The following ESD variants were observed in gnomAD, a reference collection of about 807,000 sequenced individuals.
The protein encoded by ESD is S-formylglutathione hydrolase.
A neutral mutation model predicts 38.1 loss-of-function variants in ESD; 34 were observed. The observed-to-expected ratio is 0.89, with a 90% CI of 0.68 to 1.19. The LOEUF (loss-of-function observed/expected upper bound fraction) is 1.19, where lower values mean the gene tolerates loss of function less well. Ranked by LOEUF, ESD falls within the 50% of genes most tolerant of loss-of-function variation. The pLI, the probability that ESD is intolerant of heterozygous loss-of-function variation, is 0.00. For synonymous variants in ESD, 97 were observed against 107.0 expected, an observed-to-expected ratio of 0.91 and a Z score of 0.58; for missense variants, 334 against 327.2, an observed-to-expected ratio of 1.02 and a Z score of -0.16.
chr13:46,772,748 G>T (rs1210906695), intron 9 of ESD, among the ~76,000 whole-genome samples: 1 of 151,774 alleles, frequency 6.6e-6, no homozygotes, highest in African/African-American at 2.4e-5. Context: ...TGGAGTGCAT[G>T]ATCTTGGCTC....
chr13:46,797,021 G>A (rs904417339), intron 1 of ESD, 84 bp downstream of exon 1: 1 of 152,468 alleles, frequency 6.6e-6, no homozygotes, highest in African/African-American at 2.4e-5. Flanking sequence ...CGCAGGACTC[G>A]GCGTCCGCCC....
At chr13:46,781,909 T>C (rs1216953) in intron 6 of ESD, among the ~76,000 whole-genome samples, 7,521 of 151,884 alleles carry the variant, frequency 0.05, 587 homozygotes, top group African/African-American at 0.17. Flanking sequence ...TTTTGGAATA[T>C]ATTCTAAGGA....
At chr13:46,794,942 T>C (rs543560360) in intron 1 of ESD, among the ~76,000 whole-genome samples, 32 of 152,304 alleles carry the variant, frequency 2.1e-4, no homozygotes, top group Non-Finnish European at 3.8e-4. Context: ...AATCTGCATC[T>C]CTATAACCAA....
At chr13:46,772,807 C>A (rs577649707) in intron 9 of ESD, among the ~76,000 whole-genome samples, 1 of 152,158 alleles carries the variant, frequency 6.6e-6, no homozygotes, top group African/African-American at 2.4e-5. Context: ...GCCTCAGCCT[C>A]CCGACTAGCT....
At chr13:46,773,987 G>C (rs1874700407) in intron 9 of ESD, among the ~76,000 whole-genome samples, 1 of 152,170 alleles carries the variant, frequency 6.6e-6, no homozygotes, top group Admixed American at 6.5e-5. Flanking sequence ...AGTATTATCT[G>C]CCATTTTTCA....
At position 46,780,048 on chromosome 13, in the gene ESD, G is replaced by A. The variant is rs765438784; in HGVS notation, c.502-15C>T. ...GCTGACACAGACTTCAGAAACAAAA[G>A]AAATTTAAAAACAAGTTATATTTTG... is the stretch of plus-strand genomic sequence containing the variant. On this transcript the variant is annotated splice_polypyrimidine_tract_variant and intron_variant, in intron 7 of 9. Transcript: ENST00000378720. 26 of 1,545,750 alleles carry A rather than the reference G, an allele frequency of 1.7e-5. No individual in the cohort carries two copies. The South Asian group carries it at 3.0e-4, about 18-fold the overall frequency.
intron 9 of ESD, chr13:46,775,655 C>T (rs920714055): frequency 4.3e-6 from 2 of 470,392 alleles, no homozygotes; most frequent in South Asian, 1.6e-5. Flanking sequence ...CAACGAAATC[C>T]GCTTCAAGCT....
chr13:46,783,113 T>C (rs1275593997), intron 5 of ESD, among the ~76,000 whole-genome samples: 1 of 151,952 alleles, frequency 6.6e-6, no homozygotes, highest in African/African-American at 2.4e-5. Flanking sequence ...TTACTCTGGT[T>C]TACCTGTCAA....
chr13:46,781,849 G>A (rs1257491823), intron 6 of ESD, among the ~76,000 whole-genome samples: 5 of 151,780 alleles, frequency 3.3e-5, no homozygotes, highest in Non-Finnish European at 1.5e-5. Flanking sequence ...GGAAGGTGAT[G>A]CAGAAAGAAC....
intron 6 of ESD, 26 bp from the exon 7 acceptor site, chr13:46,781,641 A>T (rs113789969): frequency 6.3e-7 from 1 of 1,583,554 alleles, no homozygotes; most frequent in East Asian, 2.3e-5. Flanking sequence ...TAGTGTGACA[A>T]AAGATATCAA....
At chr13:46,796,419 TACCACAC>T (rs1314151810) in intron 1 of ESD, among the ~76,000 whole-genome samples, 1 of 152,234 alleles carries the variant, frequency 6.6e-6, no homozygotes, top group Non-Finnish European at 1.5e-5. Context: ...ATGCTGCTTC[TACCACAC>T]ACACAAACAT....
intron 9 of ESD, chr13:46,775,274 CT>C (rs869057873): frequency 1.3e-5 from 2 of 149,396 alleles, no homozygotes; most frequent in African/African-American, 5.2e-5. Context: ...GCACTAACCC[CT>C]CTCTCTAAAA....
At position 46,782,756 on chromosome 13, in the gene ESD, C is replaced by A. The variant is rs932845566; in HGVS notation, c.292G>T (p.Asp98Tyr). The A allele has an allele frequency of 6.2e-7, 1 of 1,612,186 alleles. No individual in the cohort carries two copies. The highest frequency in any genetic ancestry group is 1.3e-5 in the African/African-American group (1 of 74,788). Residue 98 changes from aspartate (D) to tyrosine (Y), a missense_variant, in exon 6 of 10, where the codon GAC (aspartate) becomes TAC (tyrosine). Asp to Tyr is a radical substitution (Grantham distance 160). Transcript: ENST00000378720. The stretch of plus-strand genomic sequence containing the variant: ...TAAAATCCAGCACCAGTGCCAAAGT[C>A]CCAGCTCTCATCTTCACCTTTAATA... ...CNIKGEDESW[D>Y]FGTGAGFYVD...
At chr13:46,784,028 T>A (rs1424501583) in intron 5 of ESD, among the ~76,000 whole-genome samples, 2 of 151,912 alleles carry the variant, frequency 1.3e-5, no homozygotes, top group African/African-American at 4.8e-5. Flanking sequence ...ATCTGTACAA[T>A]GGGAATAGCA....
chr13:46,783,464 A>G (rs978876422), intron 5 of ESD, among the ~76,000 whole-genome samples: 1 of 151,982 alleles, frequency 6.6e-6, no homozygotes, highest in Admixed American at 6.6e-5. Context: ...TTGTCGTAAG[A>G]TTCATTTTAT....
In ESD at chr13:46,794,157, C is replaced by CAA. The variant is rs59985081; in HGVS notation, c.-55-715_-55-714dup. On this transcript the variant is annotated intron_variant, in intron 1 of 9. Transcript: ENST00000378720. Reference sequence around the variant, plus strand: ...AACAACACCCTTCCTCCTTCCCCTCCAAAAAACAACAACAACAACAACAAC... The same window carrying CAA: ...AACAACACCCTTCCTCCTTCCCCTCCAAAAAAAACAACAACAACAACAACAAC... 4.4e-3 allele frequency among the ~76,000 whole-genome samples: 643 copies of CAA among 146,342 alleles called. 4 individuals are homozygous for CAA. Among genetic ancestry groups the CAA allele is most frequent in the African/African-American group, 0.014 (549 of 39,022 alleles).
At chr13:46,789,338 T>C (rs1034190786) in intron 3 of ESD, among the ~76,000 whole-genome samples, 8 of 152,222 alleles carry the variant, frequency 5.3e-5, no homozygotes, top group Admixed American at 6.5e-5. Flanking sequence ...ATTGACAATA[T>C]GGTTGGACAT....
chr13:46,782,810 G>A lies in ESD; in HGVS notation c.257-19C>T. On this transcript the variant is annotated intron_variant, in intron 5 of 9. Coordinates refer to ENST00000378720, the MANE Select transcript of ESD (RefSeq NM_001984.2). ...CAGCCACCTATCAAGAAACAATCTT[G>A]TGGTTTCATCTGCTCTGTAGTAATG... The A allele has an allele frequency of 1.9e-6, 3 of 1,611,100 alleles. No individual in the cohort carries two copies. The highest frequency in any genetic ancestry group is 2.5e-6 in the Non-Finnish European group (3 of 1,178,334).
chr13:46,779,830 C>A, intron 8 of ESD, 105 bp downstream of exon 8: 1 of 586,552 alleles, frequency 1.7e-6, no homozygotes. Flanking sequence ...TTTGTCTCAG[C>A]TCTAGAGCCC....
Sources: allele counts gnomAD v4.1 joint callset (sites outside exome capture counted in the v4.1 genomes callset), GRCh38; gene constraint gnomAD v4.1.1; transcripts MANE v1.5; gene names NCBI Gene and HGNC (gene_info 2026-07-23, HGNC 2026-07-21).